Variants in COX15 observed in about 807,000 individuals in gnomAD.
COX15 encodes heme A synthase COX15.
Under a neutral mutation model 51.9 loss-of-function variants are expected in COX15, and 51 were observed. That is an observed-to-expected ratio of 0.98 (90% CI 0.78 to 1.24). The LOEUF (loss-of-function observed/expected upper bound fraction) is 1.24. COX15 is among the 50% of genes most tolerant of loss of function. The pLI, the probability that COX15 is intolerant of heterozygous loss-of-function variation, is 0.00. For synonymous variants in COX15, 188 were observed against 190.5 expected, an observed-to-expected ratio of 0.99 and a Z score of 0.11; for missense variants, 420 against 501.1, an observed-to-expected ratio of 0.84 and a Z score of 1.55.
Position 99,710,957 on chromosome 10 carries a change from T to G in COX15, c.*3630A>C. 1 of 985,326 alleles carries G rather than the reference T, an allele frequency of 1.0e-6. No homozygotes were observed. The highest frequency in any genetic ancestry group is 1.7e-5 in the African/African-American group (1 of 57,368). 61.0% of individuals were successfully genotyped at this position (985,326 alleles called of 1,614,324 possible). A position where few individuals can be genotyped will look rare whatever the true frequency, so the allele number is the denominator to read the frequency against. Reference sequence around the variant, plus strand: ...ACCTTTGAAAATATTAAGGGAAATCTATTTAATCCTATAGGTATGTGATGA... The same window carrying G: ...ACCTTTGAAAATATTAAGGGAAATCGATTTAATCCTATAGGTATGTGATGA... On this transcript the variant is annotated 3_prime_UTR_variant, in exon 9 of 9. Coordinates refer to ENST00000016171, the MANE Select transcript of COX15 (RefSeq NM_078470.6).
downstream of COX15, among the ~76,000 whole-genome samples, chr10:99,707,442 A>G (rs1373521042): frequency 6.6e-6 from 1 of 152,276 alleles, no homozygotes; most frequent in Admixed American, 6.5e-5. Context: ...TCTTCCTTAT[A>G]ATAAAATAAT....
Position 99,711,477 on chromosome 10 carries a change from C to G in COX15, c.*3110G>C. 1 of 985,332 alleles carries G rather than the reference C, an allele frequency of 1.0e-6. No homozygotes were observed. Among genetic ancestry groups the G allele is most frequent in the South Asian group, 4.7e-5 (1 of 21,288 alleles). The allele number at this position is 985,332 out of a possible 1,614,324, so 61.0% of individuals were successfully genotyped here. Reference sequence around the variant, plus strand: ...TAACATACTAATAGGAGCAACATAGCAGATCAAATGATAAGGTGGGGTGGA... The same window carrying G: ...TAACATACTAATAGGAGCAACATAGGAGATCAAATGATAAGGTGGGGTGGA... On this transcript the variant is annotated 3_prime_UTR_variant, in exon 9 of 9. Transcript: ENST00000016171.
At chr10:99,710,834 C>T (rs1314844311), downstream of COX15, 3 of 985,228 alleles carry the variant, frequency 3.0e-6, no homozygotes, top group South Asian at 9.4e-5. Context: ...ATTTGTCAGT[C>T]TAAGTTACAG....
intron 4 of COX15, among the ~76,000 whole-genome samples, chr10:99,725,507 T>C (rs2036918783): frequency 6.6e-6 from 1 of 152,184 alleles, no homozygotes; most frequent in Non-Finnish European, 1.5e-5. Context: ...TTGATTATTG[T>C]TTCTGCTGCC....
chr10:99,698,505 T>TTGTG, the COX15 span: 5 of 1,600,890 alleles, frequency 3.1e-6, no homozygotes, highest in Non-Finnish European at 3.4e-6. Flanking sequence ...ACGTGTTTGT[T>TTGTG]TGTTTGTTTG....
chr10:99,726,610 G>A (rs1176087254), intron 4 of COX15, among the ~76,000 whole-genome samples: 3 of 152,018 alleles, frequency 2.0e-5, no homozygotes, highest in Non-Finnish European at 4.4e-5. Flanking sequence ...ACTAGGGGCC[G>A]GGCGCAGTGG....
intron 7 of COX15, 93 bp from the exon 8 acceptor site, chr10:99,716,554 T>C: frequency 1.2e-6 from 1 of 848,666 alleles, no homozygotes. Flanking sequence ...TCAGCAACCA[T>C]GAAGTACTTT....
At position 99,731,999 on chromosome 10, in the gene COX15, A is replaced by C; in HGVS notation, c.51T>G (p.Tyr17Ter). 1 of 1,612,988 alleles carries C rather than the reference A, an allele frequency of 6.2e-7. No individual in the cohort carries two copies. Residue 17 changes from tyrosine (Y) to a stop codon, truncating the protein, a stop_gained, in exon 1 of 9, where the codon TAT becomes TAG. Coordinates refer to ENST00000016171, the MANE Select transcript of COX15 (RefSeq NM_078470.6). LOFTEE classifies it high-confidence loss of function. The part of the protein sequence containing the change: ...PPLRALKGRQ[Y>*]LPLLAPRAAP... ...CTGCCCTAGGAGCCAGGAGCGGCAG[A>C]TACTGCCTCCCCTTCAAGGCCCTCA...
At chr10:99,728,685 T>G (rs1268646368) in intron 2 of COX15, among the ~76,000 whole-genome samples, 2 of 152,230 alleles carry the variant, frequency 1.3e-5, no homozygotes, top group African/African-American at 4.8e-5. Flanking sequence ...CATCCCTAAT[T>G]TGAATCTGAT....
In COX15 at chr10:99,714,612, T is replaced by C. The variant is rs758101469; in HGVS notation, c.1208A>G (p.Asn403Ser). The C allele has an allele frequency of 1.4e-5, 23 of 1,614,038 alleles. No homozygotes were observed. The highest frequency in any genetic ancestry group is 1.0e-4 in the Admixed American group (6 of 60,000). The change falls in exon 9 of 9, where the codon AAT becomes AGT. Residue 403 changes from asparagine to serine, a missense_variant. Transcript: ENST00000016171. Reference sequence around the variant, plus strand: ...TCATTTTGGGACTCTTCGGAGTTCATTCATCAGCCAAAGAGCACCAGTGAG... The same window carrying C: ...TCATTTTGGGACTCTTCGGAGTTCACTCATCAGCCAAAGAGCACCAGTGAG... The part of the protein sequence containing the change: ...ALLTGALWLM[N>S]ELRRVPK
rs2037187174 is a variant in COX15 at position 99,732,106 on chromosome 10, C to T, written c.-57G>A. The T allele has an allele frequency of 1.9e-6, 3 of 1,579,900 alleles. No individual in the cohort carries two copies. The African/African-American group carries it at 4.0e-5, about 21-fold the overall frequency. ...AACCCAGGGCTCTGTGGTCTCCCTCCTCCGCCAAGGAAAAGAGAAGCACTT... is the reference window on the plus strand; with the variant it reads ...AACCCAGGGCTCTGTGGTCTCCCTCTTCCGCCAAGGAAAAGAGAAGCACTT... On this transcript the variant is annotated 5_prime_UTR_variant, in exon 1 of 9. Transcript: ENST00000016171.
At position 99,713,632 on chromosome 10, in the gene COX15, G is replaced by C; in HGVS notation, c.*955C>G. 9.1e-7 allele frequency: 1 copy of C among 1,098,570 alleles called. No individual in the cohort carries two copies. Among genetic ancestry groups the C allele is most frequent in the Non-Finnish European group, 1.3e-6 (1 of 766,454 alleles). The allele number at this position is 1,098,570 out of a possible 1,614,324, so 68.1% of individuals were successfully genotyped here. ...CTCTCAGGAACCAATTTATACTGTC[G>C]ATTCCATTCCTCTCTCTGACCTTGT... is the stretch of plus-strand genomic sequence containing the variant. On this transcript the variant is annotated 3_prime_UTR_variant, in exon 9 of 9. Transcript: ENST00000016171.
chr10:99,709,008 T>G (rs1156772229), downstream of COX15: 1 of 985,270 alleles, frequency 1.0e-6, no homozygotes, highest in Non-Finnish European at 1.2e-6. Context: ...AAAAATACTT[T>G]GTCAGAAATA....
intron 6 of COX15, 129 bp downstream of exon 6, chr10:99,720,858 T>C (rs189430707): frequency 1.1e-3 from 866 of 770,882 alleles, no homozygotes; most frequent in Non-Finnish European, 1.8e-3. Flanking sequence ...AGGGTGAAGA[T>C]GGGGGAATGA....
At chr10:99,706,963 T>C (rs577492282), downstream of COX15, among the ~76,000 whole-genome samples, 32 of 152,334 alleles carry the variant, frequency 2.1e-4, no homozygotes, top group African/African-American at 7.5e-4. Flanking sequence ...TTGGTCCAGT[T>C]TGAAAGCTCT....
Position 99,732,096 on chromosome 10 carries a change from G to A in COX15, c.-47C>T, listed in dbSNP as rs746151405. The stretch of plus-strand genomic sequence containing the variant: ...CCTCTTCCACAACCCAGGGCTCTGT[G>A]GTCTCCCTCCTCCGCCAAGGAAAAG... On this transcript the variant is annotated 5_prime_UTR_variant, in exon 1 of 9. Transcript: ENST00000016171. 1.1e-5 allele frequency: 17 copies of A among 1,591,468 alleles called. No individual in the cohort carries two copies. The Admixed American group carries it at 2.0e-4, about 18-fold the overall frequency.
the COX15 span, chr10:99,696,002 A>G: frequency 6.2e-7 from 1 of 1,614,118 alleles, no homozygotes; most frequent in Non-Finnish European, 8.5e-7. Flanking sequence ...CTGGGCTGTG[A>G]TGTGCAACAC....
chr10:99,699,545 C>T, the COX15 span, among the ~76,000 whole-genome samples: 9 of 152,226 alleles, frequency 5.9e-5, no homozygotes, highest in East Asian at 1.5e-3. Context: ...ATCAGAGAAA[C>T]GAATGGGAGA....
chr10:99,714,979 CT>C (rs2036519399), intron 8 of COX15, among the ~76,000 whole-genome samples: 1 of 152,112 alleles, frequency 6.6e-6, no homozygotes, highest in Non-Finnish European at 1.5e-5. Flanking sequence ...CATACTTGTA[CT>C]TTAGTATGTT....
Sources: gnomAD v4.1 joint callset for allele counts (sites outside exome capture counted in the v4.1 genomes callset) on GRCh38, gnomAD v4.1.1 for gene constraint, MANE v1.5 for transcripts, NCBI Gene and HGNC (gene_info 2026-07-23, HGNC 2026-07-21) for gene names.